Variants in KCNIP4 observed in about 807,000 individuals in gnomAD.
The protein encoded by KCNIP4 is Kv channel-interacting protein 4.
In KCNIP4, 12 loss-of-function variants were observed where a neutral mutation model predicts 34.0. The observed-to-expected ratio is 0.35, with a 90% CI of 0.23 to 0.57. The LOEUF (loss-of-function observed/expected upper bound fraction) is 0.57, where lower values mean the gene tolerates loss of function less well. KCNIP4 is among the 20% of genes least tolerant of loss of function. The probability of loss-of-function intolerance (pLI) is 0.83; values close to 1 mark genes in which losing one functional copy is unlikely to be tolerated. For missense variants in KCNIP4, 238 were observed against 311.7 expected (o/e 0.76, Z 1.78); for synonymous variants, 124 against 102.2 (o/e 1.21, Z -1.29).
intron 3 of KCNIP4, among the ~76,000 whole-genome samples, chr4:20,821,850 G>C (rs1251805013): frequency 6.6e-6 from 1 of 150,906 alleles, no homozygotes; most frequent in Non-Finnish European, 1.5e-5. Context: ...CATGGTGTGT[G>C]TGTATGTGTG....
At chr4:21,292,468 T>A (rs1248102677) in intron 1 of KCNIP4, among the ~76,000 whole-genome samples, 1 of 152,176 alleles carries the variant, frequency 6.6e-6, no homozygotes, top group Non-Finnish European at 1.5e-5. Flanking sequence ...TCTGTAAGAA[T>A]GATCTTGCAG....
intron 1 of KCNIP4, chr4:21,850,641 G>T (rs762827743): frequency 6.6e-6 from 1 of 151,848 alleles, no homozygotes; most frequent in Non-Finnish European, 1.5e-5. Flanking sequence ...ATTTTGTTAT[G>T]AACCACAGAA....
intron 1 of KCNIP4, among the ~76,000 whole-genome samples, chr4:21,169,705 T>TGTGTGTGTGTGTGTG (rs1560778126): frequency 6.7e-6 from 1 of 149,962 alleles, no homozygotes; most frequent in African/African-American, 2.5e-5. Flanking sequence ...TGTGTGTGTG[T>TGTGTGTGTGTGTGTG]TTTATAGTGC....
chr4:21,248,120 A>G (rs189688830), intron 1 of KCNIP4, among the ~76,000 whole-genome samples: 3 of 151,626 alleles, frequency 2.0e-5, no homozygotes, highest in East Asian at 2.0e-4. Flanking sequence ...ATAAAATAAT[A>G]TAAGTGGTAA....
chr4:20,731,435 C>A (rs1466632671), intron 8 of KCNIP4: 5 of 985,224 alleles, frequency 5.1e-6, no homozygotes, highest in Non-Finnish European at 6.0e-6. Context: ...AGTAAGCTAA[C>A]ACTGGTTTCT....
chr4:21,489,520 G>A (rs1732199228), intron 1 of KCNIP4, among the ~76,000 whole-genome samples: 1 of 151,980 alleles, frequency 6.6e-6, no homozygotes, highest in African/African-American at 2.4e-5. Context: ...TTATTATTCT[G>A]TAGTCCCATC....
chr4:21,575,665 G>A (rs1740697462), intron 1 of KCNIP4, among the ~76,000 whole-genome samples: 1 of 152,014 alleles, frequency 6.6e-6, no homozygotes, highest in Non-Finnish European at 1.5e-5. Context: ...GTACTATACT[G>A]AGACTCATTC....
chr4:20,733,404 A>C (rs1171062943), intron 6 of KCNIP4, among the ~76,000 whole-genome samples: 2 of 152,216 alleles, frequency 1.3e-5, no homozygotes, highest in Admixed American at 6.5e-5. Flanking sequence ...TATGAGAGTA[A>C]AAATAATCTC....
In KCNIP4 at chr4:21,750,766, C is replaced by A. The variant is rs149855321; in HGVS notation, c.61+197805G>T. Among the ~76,000 whole-genome samples, 1,326 of 152,170 alleles carry A rather than the reference C, an allele frequency of 8.7e-3. 19 individuals are homozygous for A. The highest frequency in any genetic ancestry group is 0.039 in the South Asian group (186 of 4,816). On this transcript the variant is annotated intron_variant, in intron 1 of 8. Transcript: ENST00000382152. ...TTCCAGGTGCTCAACAGTTATTTCG[C>A]GGAGAAGCTGTGGGCTGGAGAATGG...
chr4:21,530,036 G>T (rs1470933500), intron 1 of KCNIP4, among the ~76,000 whole-genome samples: 2 of 152,170 alleles, frequency 1.3e-5, no homozygotes, highest in Non-Finnish European at 2.9e-5. Context: ...GCACTTTGTA[G>T]TGCGCTGTAT....
chr4:21,490,116 A>G (rs1732265068), intron 1 of KCNIP4, among the ~76,000 whole-genome samples: 1 of 152,130 alleles, frequency 6.6e-6, no homozygotes, highest in African/African-American at 2.4e-5. Flanking sequence ...AATTTTATGC[A>G]TTTAATAATT....
chr4:21,844,346 T>A (rs1723875404), intron 1 of KCNIP4: 1 of 152,114 alleles, frequency 6.6e-6, no homozygotes, highest in South Asian at 2.1e-4. Context: ...CAAATGTTTT[T>A]AAATAAATAT....
chr4:20,885,707 C>T (rs968596727), intron 1 of KCNIP4, among the ~76,000 whole-genome samples: 1 of 152,180 alleles, frequency 6.6e-6, no homozygotes, highest in Non-Finnish European at 1.5e-5. Context: ...ACAGTATCTG[C>T]TTCAAAAAGT....
chr4:21,705,017 G>T (rs910887130), intron 1 of KCNIP4, among the ~76,000 whole-genome samples: 2 of 152,046 alleles, frequency 1.3e-5, no homozygotes, highest in Admixed American at 1.3e-4. Context: ...TCCAAACCAT[G>T]TGATACTACA....
intron 1 of KCNIP4, among the ~76,000 whole-genome samples, chr4:21,840,984 C>A (rs985461958): frequency 3.9e-5 from 6 of 152,162 alleles, no homozygotes; most frequent in African/African-American, 1.4e-4. Context: ...CCTAACAGAG[C>A]TCCATCTGCT....
At chr4:21,342,046 C>T (rs1462160564) in intron 1 of KCNIP4, among the ~76,000 whole-genome samples, 1 of 152,086 alleles carries the variant, frequency 6.6e-6, no homozygotes, top group Non-Finnish European at 1.5e-5. Context: ...CAATAAGAAA[C>T]AAGGATGCAA....
At chr4:21,573,857 T>C (rs574396330) in intron 1 of KCNIP4, among the ~76,000 whole-genome samples, 2 of 152,320 alleles carry the variant, frequency 1.3e-5, no homozygotes, top group Admixed American at 6.5e-5. Context: ...TGGGACATTG[T>C]TCCTGTTGGC....
intron 1 of KCNIP4, among the ~76,000 whole-genome samples, chr4:21,509,915 C>T (rs1260498402): frequency 6.6e-6 from 1 of 151,636 alleles, no homozygotes; most frequent in Non-Finnish European, 1.5e-5. Flanking sequence ...GTCAGGAGTT[C>T]GAGACCAGCC....
At chr4:20,910,180 T>C (rs1728193366) in intron 1 of KCNIP4, among the ~76,000 whole-genome samples, 1 of 152,194 alleles carries the variant, frequency 6.6e-6, no homozygotes, top group African/African-American at 2.4e-5. Context: ...GGATTTCTCC[T>C]ACTGGCTCAC....
Sources: allele counts gnomAD v4.1 joint callset (sites outside exome capture counted in the v4.1 genomes callset), GRCh38; gene constraint gnomAD v4.1.1; transcripts MANE v1.5; gene names NCBI Gene and HGNC (gene_info 2026-07-23, HGNC 2026-07-21).